Variants in RTN1 observed in about 807,000 individuals in gnomAD.
The protein encoded by RTN1 is reticulon-1.
RTN1 carries 25 observed loss-of-function variants against 65.5 expected under a neutral mutation model. The observed-to-expected ratio is 0.38, with a 90% CI of 0.28 to 0.53. The LOEUF is 0.53. Ranked by LOEUF, RTN1 falls within the 20% of genes least tolerant of loss-of-function variation. The pLI, the probability that RTN1 is intolerant of heterozygous loss-of-function variation, is 0.79. For missense variants in RTN1, 983 were observed against 1,025.4 expected (o/e 0.96, Z 0.57); for synonymous variants, 471 against 447.6 (o/e 1.05, Z -0.66).
At chr14:59,693,335 G>C (rs1883999117) in intron 3 of RTN1, among the ~76,000 whole-genome samples, 1 of 152,072 alleles carries the variant, frequency 6.6e-6, no homozygotes, top group African/African-American at 2.4e-5. Context: ...TAAGCCTCCT[G>C]GTTTTTACTT....
rs77667474 is a variant in RTN1 at position 59,781,359 on chromosome 14, G to A, written c.242-34878C>T. On this transcript the variant is annotated intron_variant, in intron 1 of 8. Coordinates refer to ENST00000267484, the MANE Select transcript of RTN1 (RefSeq NM_021136.3). ...AAAGTGTCAGTCATTGACTGTTTAT[G>A]TTCCACTTAGTGTTCTGTTCCAATT... Among the ~76,000 whole-genome samples, 363 of 152,030 alleles carry A rather than the reference G, an allele frequency of 2.4e-3. 1 individual carries two copies. The highest frequency in any genetic ancestry group is 8.5e-3 in the African/African-American group (354 of 41,498).
intron 3 of RTN1, among the ~76,000 whole-genome samples, chr14:59,632,815 G>T (rs1490644617): frequency 6.6e-6 from 1 of 152,112 alleles, no homozygotes; most frequent in Admixed American, 6.5e-5. Flanking sequence ...TGACCTTGGG[G>T]CCAGGCGCGG....
chr14:59,791,586 T>C (rs540125095), intron 1 of RTN1, among the ~76,000 whole-genome samples: 4 of 152,298 alleles, frequency 2.6e-5, no homozygotes, highest in African/African-American at 9.6e-5. Flanking sequence ...TAGCCAGCAG[T>C]GGATCCCACT....
At chr14:59,855,645 T>G (rs1169459883) in intron 1 of RTN1, among the ~76,000 whole-genome samples, 1 of 152,336 alleles carries the variant, frequency 6.6e-6, no homozygotes, top group Middle Eastern at 3.4e-3. Flanking sequence ...TCCATTAAAA[T>G]CTGGACAGTT....
Position 59,605,470 on chromosome 14 carries a change from C to T in RTN1, c.2010G>A (p.Glu670=), listed in dbSNP as rs138910153. The T allele has an allele frequency of 2.2e-4, 361 of 1,614,152 alleles. No homozygotes were observed. Among genetic ancestry groups the T allele is most frequent in the Non-Finnish European group, 2.9e-4 (341 of 1,180,010 alleles). The part of the protein sequence containing the change: ...YLELEITLSQ[E]QIQKYTDCLQ... ...GGCAGTCCGTGTACTTCTGAATCTG[C>T]TCCTGAGAAAGGGTGATCTCAAGCT... The change falls in exon 5 of 9, where the codon GAG becomes GAA. Residue 670 remains glutamate (E), a synonymous_variant. Coordinates refer to ENST00000267484, the MANE Select transcript of RTN1 (RefSeq NM_021136.3).
rs149761087 is a variant in RTN1 at position 59,857,184 on chromosome 14, T to C, written c.241+13206A>G. On this transcript the variant is annotated intron_variant, in intron 1 of 8. Transcript: ENST00000267484. ...TATAGAATCTGAGGCTCAGGGAGCT[T>C]AAAGCTAAAGCTTTAAGCTTTTTTA... is the stretch of plus-strand genomic sequence containing the variant. Among the ~76,000 whole-genome samples the C allele has an allele frequency of 2.0e-4, 30 of 152,256 alleles. No homozygotes were observed. In the East Asian group the frequency reaches 5.8e-3, roughly 29 times the overall value.
At chr14:59,671,930 T>C (rs750755953) in intron 3 of RTN1, among the ~76,000 whole-genome samples, 3 of 152,248 alleles carry the variant, frequency 2.0e-5, no homozygotes, top group South Asian at 2.1e-4. Flanking sequence ...GAAAGCCTGA[T>C]ATTATATTTC....
At chr14:59,619,108 G>A (rs1269993228) in intron 3 of RTN1, among the ~76,000 whole-genome samples, 2 of 152,186 alleles carry the variant, frequency 1.3e-5, no homozygotes, top group African/African-American at 4.8e-5. Flanking sequence ...AGGAGATGGG[G>A]TGGATAAAAG....
intron 1 of RTN1, among the ~76,000 whole-genome samples, chr14:59,837,634 G>A (rs1175851278): frequency 6.6e-6 from 1 of 151,784 alleles, no homozygotes; most frequent in East Asian, 1.9e-4. Context: ...GAATTCATAA[G>A]TAAATGCAAA....
intron 8 of RTN1, among the ~76,000 whole-genome samples, chr14:59,600,503 T>C (rs1428335204): frequency 6.6e-6 from 1 of 152,336 alleles, no homozygotes; most frequent in African/African-American, 2.4e-5. Context: ...TTCTTAACTG[T>C]ACCACTAAAG....
intron 3 of RTN1, among the ~76,000 whole-genome samples, chr14:59,700,804 G>T (rs1487137993): frequency 1.3e-5 from 2 of 152,074 alleles, no homozygotes; most frequent in East Asian, 3.9e-4. Context: ...ACTTGTATTA[G>T]GTGGTACTGG....
In RTN1 at chr14:59,793,636, C is replaced by CCACACACACACA. The variant is rs766243780; in HGVS notation, c.242-47167_242-47156dup. 1.5e-4 allele frequency among the ~76,000 whole-genome samples: 21 copies of CCACACACACACA among 144,308 alleles called. 1 individual carries two copies. Among genetic ancestry groups the CCACACACACACA allele is most frequent in the East Asian group, 1.2e-3 (6 of 4,978 alleles). 94.7% of individuals were successfully genotyped at this position (144,308 alleles called of 152,430 possible). ...TTACCTTGTCAATTACAGGCACACA[C>CCACACACACACA]CACACACACACACACACACACACAC... On this transcript the variant is annotated intron_variant, in intron 1 of 8. Transcript: ENST00000267484.
intron 3 of RTN1, among the ~76,000 whole-genome samples, chr14:59,608,642 C>G (rs75876534): frequency 0.06 from 9,149 of 152,174 alleles, 343 homozygotes; most frequent in Non-Finnish European, 0.087. Flanking sequence ...GCTGAGGATA[C>G]TCCCAGCAAT....
chr14:59,835,946 G>C (rs920254352), intron 1 of RTN1, among the ~76,000 whole-genome samples: 46 of 152,172 alleles, frequency 3.0e-4, no homozygotes, highest in African/African-American at 1.1e-3. Context: ...TTAAGGTGTC[G>C]ACAGGGTTGC....
chr14:59,826,231 G>C (rs1187128706), intron 1 of RTN1, among the ~76,000 whole-genome samples: 1 of 152,168 alleles, frequency 6.6e-6, no homozygotes, highest in Non-Finnish European at 1.5e-5. Flanking sequence ...TTGTAGACCA[G>C]CTGTACCACT....
intron 3 of RTN1, among the ~76,000 whole-genome samples, chr14:59,694,197 T>C (rs536374153): frequency 1.2e-4 from 18 of 152,340 alleles, no homozygotes; most frequent in African/African-American, 3.8e-4. Flanking sequence ...GACTTTGTTT[T>C]CTAAATCAGG....
intron 3 of RTN1, among the ~76,000 whole-genome samples, chr14:59,639,639 T>G (rs1882735073): frequency 6.6e-6 from 1 of 152,202 alleles, no homozygotes; most frequent in Admixed American, 6.5e-5. Flanking sequence ...GCTCAAAATT[T>G]TTACTATGAA....
intron 3 of RTN1, among the ~76,000 whole-genome samples, chr14:59,682,359 C>T (rs1245326734): frequency 6.6e-6 from 1 of 152,148 alleles, no homozygotes; most frequent in Non-Finnish European, 1.5e-5. Flanking sequence ...ATTACACATC[C>T]AATGTTATAC....
At chr14:59,822,152 G>A (rs1886954556) in intron 1 of RTN1, among the ~76,000 whole-genome samples, 1 of 152,108 alleles carries the variant, frequency 6.6e-6, no homozygotes, top group Non-Finnish European at 1.5e-5. Context: ...GGCCTTTTCT[G>A]GTTGGTAGGT....
Sources: gnomAD v4.1 joint callset for allele counts (sites outside exome capture counted in the v4.1 genomes callset) on GRCh38, gnomAD v4.1.1 for gene constraint, MANE v1.5 for transcripts, NCBI Gene and HGNC (gene_info 2026-07-23, HGNC 2026-07-21) for gene names.